GLMN: variants seen among roughly 807,000 people sequenced by gnomAD.
The protein encoded by GLMN is glomulin, FKBP associated protein.
GLMN carries 75 observed loss-of-function variants against 87.8 expected under a neutral mutation model. The observed-to-expected ratio is 0.85, with a 90% confidence interval of 0.71 to 1.04. GLMN has a LOEUF of 1.04. Ranked by LOEUF, GLMN falls within the 50% of genes least tolerant of loss-of-function variation. The probability of loss-of-function intolerance (pLI) is 0.00; values close to 1 mark genes in which losing one functional copy is unlikely to be tolerated. For missense variants in GLMN, 588 were observed against 658.8 expected, an observed-to-expected ratio of 0.89 and a Z score of 1.18; for synonymous variants, 206 against 221.6, an observed-to-expected ratio of 0.93 and a Z score of 0.63.
intron 16 of GLMN, among the ~76,000 whole-genome samples, chr1:92,257,034 G>A (rs1654367644): frequency 6.6e-6 from 1 of 152,192 alleles, no homozygotes; most frequent in Non-Finnish European, 1.5e-5. Flanking sequence ...ATCTCCTTAA[G>A]CTGATAAGCA....
chr1:92,259,719 CT>C (rs1435459790), intron 16 of GLMN, among the ~76,000 whole-genome samples: 4 of 137,174 alleles, frequency 2.9e-5, no homozygotes, highest in Admixed American at 2.3e-4. Context: ...TTTGTTTTTT[CT>C]TTTTTTTCTT....
At chr1:92,370,473 C>A in the GLMN span, among the ~76,000 whole-genome samples, 2 of 152,094 alleles carry the variant, frequency 1.3e-5, no homozygotes, top group Non-Finnish European at 2.9e-5. Flanking sequence ...ACCAAAAACA[C>A]CCACAAAAGT....
intron 7 of GLMN, among the ~76,000 whole-genome samples, chr1:92,272,559 CA>C (rs1656349312): frequency 6.6e-6 from 1 of 151,996 alleles, no homozygotes; most frequent in African/African-American, 2.4e-5. Context: ...GTGAGACATA[CA>C]AATATATGAA....
chr1:92,329,070 T>C, the GLMN span, among the ~76,000 whole-genome samples: 1 of 152,174 alleles, frequency 6.6e-6, no homozygotes, highest in African/African-American at 2.4e-5. Flanking sequence ...GTGAGGGTCC[T>C]TAATTGTATT....
chr1:92,319,723 G>A, the GLMN span, among the ~76,000 whole-genome samples: 1 of 152,320 alleles, frequency 6.6e-6, no homozygotes, highest in Middle Eastern at 3.4e-3. Context: ...CATTGGCCAG[G>A]CACAGTGGCT....
Position 92,247,953 on chromosome 1 carries a change from T to A in GLMN, c.1510A>T (p.Asn504Tyr). 1 of 1,360,974 alleles carries A rather than the reference T, an allele frequency of 7.3e-7. No individual in the cohort carries two copies. Among genetic ancestry groups the A allele is most frequent in the Non-Finnish European group, 1.1e-6 (1 of 950,744 alleles). 84.3% of individuals were successfully genotyped at this position (1,360,974 alleles called of 1,614,324 possible). Reference protein sequence around the residue: ...LWTELGNIENNFLKPLHIGLN... With the variant: ...LWTELGNIENYFLKPLHIGLN... ...CCTATATGAAGTGGCTTTAAGAAAT[T>A]ATTCTCAATATTTCCAAGTTCTGTC... is the stretch of plus-strand genomic sequence containing the variant. Residue 504 changes from asparagine (N) to tyrosine (Y), a missense_variant, in exon 17 of 19, where the codon AAT becomes TAT. Asn to Tyr is a moderately radical substitution (Grantham distance 143). Coordinates refer to ENST00000370360, the MANE Select transcript of GLMN (RefSeq NM_053274.3).
chr1:92,257,343 A>G (rs1654407720), intron 16 of GLMN, among the ~76,000 whole-genome samples: 1 of 152,236 alleles, frequency 6.6e-6, no homozygotes, highest in African/African-American at 2.4e-5. Context: ...TATAGATTCA[A>G]TGCTATCCCC....
At chr1:92,260,742 T>C (rs1256507463) in intron 16 of GLMN, among the ~76,000 whole-genome samples, 4 of 121,838 alleles carry the variant, frequency 3.3e-5, no homozygotes, top group Non-Finnish European at 3.2e-5. Flanking sequence ...GGCAATACAG[T>C]GAGACACTGT....
At chr1:92,335,017 G>A in the GLMN span, among the ~76,000 whole-genome samples, 6 of 151,642 alleles carry the variant, frequency 4.0e-5, no homozygotes, top group East Asian at 1.9e-4. Flanking sequence ...AAAATTAATC[G>A]GGTGTTGTGG....
At chr1:92,334,038 A>AGAACTT in the GLMN span, among the ~76,000 whole-genome samples, 1 of 152,228 alleles carries the variant, frequency 6.6e-6, no homozygotes, top group Non-Finnish European at 1.5e-5. Context: ...TCTTTCAAAA[A>AGAACTT]GAACTTGAAG....
Position 92,298,916 on chromosome 1 carries a change from T to C in GLMN, c.-31+9A>G. 2.2e-6 allele frequency: 1 copy of C among 455,518 alleles called. No individual in the cohort carries two copies. The highest frequency in any genetic ancestry group is 2.0e-5 in the African/African-American group (1 of 49,092). The allele number at this position is 455,518 out of a possible 1,614,324, so 28.2% of individuals were successfully genotyped here. On this transcript the variant is annotated intron_variant, in intron 1 of 18. Coordinates refer to ENST00000370360, the MANE Select transcript of GLMN (RefSeq NM_053274.3). ...TGGCCACCCTGAACCTCTCCACAAC[T>C]CCACTTACCGGCCAGAACCCTCGCC...
intron 7 of GLMN, among the ~76,000 whole-genome samples, chr1:92,277,185 GAAAC>G (rs1354435977): frequency 1.3e-5 from 2 of 151,862 alleles, no homozygotes; most frequent in African/African-American, 4.8e-5. Flanking sequence ...TTAAAAAAAG[GAAAC>G]AAACAAAAAA....
intron 16 of GLMN, among the ~76,000 whole-genome samples, chr1:92,253,607 A>G (rs915626480): frequency 1.3e-5 from 2 of 152,194 alleles, no homozygotes; most frequent in Admixed American, 6.5e-5. Context: ...GCAGCCTCCA[A>G]TGGTGATACC....
At chr1:92,318,845 A>G in the GLMN span, among the ~76,000 whole-genome samples, 5 of 152,222 alleles carry the variant, frequency 3.3e-5, no homozygotes, top group Non-Finnish European at 7.3e-5. Context: ...AGTGAGAGCC[A>G]TTTCAGGAGA....
At chr1:92,258,314 ATT>A (rs1437234080) in intron 16 of GLMN, among the ~76,000 whole-genome samples, 1 of 152,058 alleles carries the variant, frequency 6.6e-6, no homozygotes, top group African/African-American at 2.4e-5. Context: ...GGGAGTCTAA[ATT>A]AGTTCAACCA....
At chr1:92,259,047 T>A (rs1654650785) in intron 16 of GLMN, among the ~76,000 whole-genome samples, 1 of 152,218 alleles carries the variant, frequency 6.6e-6, no homozygotes, top group Non-Finnish European at 1.5e-5. Flanking sequence ...TCCTGATATT[T>A]ACCTGTGGCC....
chr1:92,313,408 A>C, the GLMN span, among the ~76,000 whole-genome samples: 1 of 151,836 alleles, frequency 6.6e-6, no homozygotes, highest in Non-Finnish European at 1.5e-5. Context: ...GTGGCTAGGT[A>C]CATTGTTAAT....
chr1:92,322,272 T>A, the GLMN span, among the ~76,000 whole-genome samples: 12 of 150,634 alleles, frequency 8.0e-5, no homozygotes, highest in African/African-American at 2.9e-4. Flanking sequence ...AAACTTTTTT[T>A]AAAAAGGTCA....
the GLMN span, among the ~76,000 whole-genome samples, chr1:92,350,574 T>C: frequency 6.6e-6 from 1 of 152,202 alleles, no homozygotes; most frequent in Non-Finnish European, 1.5e-5. Context: ...ATATGCCCTA[T>C]TGAGATGTTA....
Sources: gnomAD v4.1 joint callset for allele counts (sites outside exome capture counted in the v4.1 genomes callset) on GRCh38, gnomAD v4.1.1 for gene constraint, MANE v1.5 for transcripts, NCBI Gene and HGNC (gene_info 2026-07-23, HGNC 2026-07-21) for gene names.